The following TCN2 variants were observed in gnomAD, a reference collection of about 807,000 sequenced individuals.
TCN2 encodes the protein transcobalamin-2.
In TCN2, 34 loss-of-function variants were observed where a neutral mutation model predicts 48.6. That is an observed-to-expected ratio of 0.70 (90% CI 0.53 to 0.93). The LOEUF is 0.93. TCN2 is among the 40% of genes least tolerant of loss of function. The probability of loss-of-function intolerance (pLI) is 0.00; values close to 1 mark genes in which losing one functional copy is unlikely to be tolerated. For missense variants in TCN2, 652 were observed against 526.1 expected (o/e 1.24, Z -2.34); for synonymous variants, 283 against 212.5 (o/e 1.33, Z -2.89).
intron 7 of TCN2, among the ~76,000 whole-genome samples, chr22:30,620,090 A>C (rs1014364880): frequency 1.3e-5 from 2 of 152,062 alleles, no homozygotes; most frequent in African/African-American, 4.8e-5. Flanking sequence ...CCAGGAGTTC[A>C]AGGCGGCAGC....
At chr22:30,611,123 G>A (rs1476310127) in intron 2 of TCN2, 60 bp downstream of exon 2, 5 of 1,608,974 alleles carry the variant, frequency 3.1e-6, no homozygotes, top group Non-Finnish European at 4.3e-6. Flanking sequence ...GGGAAACTTG[G>A]GTACTAGTTT....
In TCN2 at chr22:30,609,369, C is replaced by A. The variant is rs141482292; in HGVS notation, c.65-1502C>A. 1.1e-4 allele frequency among the ~76,000 whole-genome samples: 17 copies of A among 152,206 alleles called. No individual in the cohort carries two copies. In the East Asian group the frequency reaches 3.3e-3, roughly 29 times the overall value. Reference sequence around the variant, plus strand: ...CAGGGCTGGGTTGGTAGGGCGAGAGCTCACCCAAGGCTGCTTTTATTACCC... The same window carrying A: ...CAGGGCTGGGTTGGTAGGGCGAGAGATCACCCAAGGCTGCTTTTATTACCC... On this transcript the variant is annotated intron_variant, in intron 1 of 8. Transcript: ENST00000215838.
At chr22:30,620,010 A>C (rs763480583) in intron 7 of TCN2, among the ~76,000 whole-genome samples, 2 of 152,126 alleles carry the variant, frequency 1.3e-5, no homozygotes, top group Admixed American at 6.5e-5. Flanking sequence ...TTTTTTAATT[A>C]GCTGGGCATG....
At chr22:30,623,117 C>G in intron 8 of TCN2, 34 bp downstream of exon 8, 7 of 1,606,590 alleles carry the variant, frequency 4.4e-6, no homozygotes, top group Non-Finnish European at 4.3e-6. Flanking sequence ...GATGTGTCCC[C>G]TACCCCAAGC....
At chr22:30,614,325 C>A in intron 3 of TCN2, 24 bp from the exon 4 acceptor site, 6 of 1,613,372 alleles carry the variant, frequency 3.7e-6, no homozygotes, top group Non-Finnish European at 5.1e-6. Flanking sequence ...AGAGAGGCAA[C>A]CCCTCTGTTT....
In TCN2 at chr22:30,614,380, C is replaced by T. The variant is rs201344377; in HGVS notation, c.459C>T (p.Ser153=). 2.5e-6 allele frequency: 4 copies of T among 1,614,086 alleles called. No homozygotes were observed. The highest frequency in any genetic ancestry group is 1.6e-4 in the Middle Eastern group (1 of 6,084). ...GHDHKGHPHT[S]YYQYGLGILA... ...ATCACAAGGGCCACCCCCACACTAG[C>T]TACTACCAGTATGGCCTGGGCATTC... Residue 153 remains serine, a synonymous_variant, in exon 4 of 9, where the codon AGC becomes AGT. Transcript: ENST00000215838.
chr22:30,619,251 A>C (rs181016302), intron 7 of TCN2, among the ~76,000 whole-genome samples: 4 of 152,124 alleles, frequency 2.6e-5, no homozygotes, highest in South Asian at 2.1e-4. Context: ...ATATTTTTTT[A>C]AAATTTTTTG....
chr22:30,624,695 C>G (rs917359910), intron 8 of TCN2, among the ~76,000 whole-genome samples: 3 of 152,166 alleles, frequency 2.0e-5, no homozygotes, highest in African/African-American at 7.2e-5. Context: ...TAGCCTCTAT[C>G]TCCTTCCCCC....
intron 5 of TCN2, 39 bp downstream of exon 5, chr22:30,615,512 A>G (rs750414229): frequency 1.9e-6 from 3 of 1,608,496 alleles, no homozygotes; most frequent in Non-Finnish European, 2.5e-6. Context: ...ACCCTGGGGA[A>G]CAGTCAGGGG....
At chr22:30,621,248 C>T (rs1012217706) in intron 7 of TCN2, among the ~76,000 whole-genome samples, 2 of 152,134 alleles carry the variant, frequency 1.3e-5, no homozygotes, top group African/African-American at 4.8e-5. Context: ...CCACCTCCGC[C>T]TCCTCAAGTG....
intron 8 of TCN2, among the ~76,000 whole-genome samples, chr22:30,624,586 C>A (rs1399058630): frequency 1.3e-5 from 2 of 152,092 alleles, no homozygotes; most frequent in Non-Finnish European, 2.9e-5. Flanking sequence ...AAAATAGGAG[C>A]TACAGATGGA....
chr22:30,620,877 G>GGTA (rs771509067), intron 7 of TCN2, among the ~76,000 whole-genome samples: 2 of 152,176 alleles, frequency 1.3e-5, no homozygotes, highest in Non-Finnish European at 2.9e-5. Context: ...TGTGGAGAGA[G>GGTA]GTAGCCCTGT....
Position 30,615,647 on chromosome 22 carries a change from G to T in TCN2, c.800G>T (p.Cys267Phe), listed in dbSNP as rs1476885074. Residue 267 changes from cysteine (C) to phenylalanine (F), a missense_variant, in exon 6 of 9, where the codon TGT becomes TTT. Cys to Phe is a radical substitution (Grantham distance 205). Transcript: ENST00000215838. The stretch of plus-strand genomic sequence containing the variant: ...CGTGGGGCAGAACTGGGAACAGCAT[G>T]TCTCAAGGCGAGGGTTGCTTTGCTG... ...PMRGAELGTA[C>F]LKARVALLAS... 1 of 1,614,184 alleles carries T rather than the reference G, an allele frequency of 6.2e-7. No individual in the cohort carries two copies. The highest frequency in any genetic ancestry group is 1.3e-5 in the African/African-American group (1 of 75,054).
rs779098748 is a variant in TCN2, at chr22:30,622,977, A to G, written c.1116A>G (p.Thr372=). 2 of 1,613,914 alleles carry G rather than the reference A, an allele frequency of 1.2e-6. No individual in the cohort carries two copies. The highest frequency in any genetic ancestry group is 2.2e-5 in the South Asian group (2 of 91,074). The part of the protein sequence containing the change: ...AHELGGFTYE[T]QASLSGPYLT... The stretch of plus-strand genomic sequence containing the variant: ...CCTTTCCCTTCTGTAGATATGAAAC[A>G]CAGGCCTCCTTGTCAGGCCCCTACT... The change falls in exon 8 of 9, where the codon ACA becomes ACG. Residue 372 remains threonine (T), a synonymous_variant. Transcript: ENST00000215838.
chr22:30,608,419 C>T (rs2087485017), intron 1 of TCN2, among the ~76,000 whole-genome samples: 1 of 152,044 alleles, frequency 6.6e-6, no homozygotes, highest in South Asian at 2.1e-4. Flanking sequence ...AGAGGTTCTC[C>T]CTCTGTTGCC....
Position 30,607,312 on chromosome 22 carries a change from CT to C in TCN2, c.-19del, listed in dbSNP as rs751604401. 28 of 1,614,148 alleles carry C rather than the reference CT, an allele frequency of 1.7e-5. No individual in the cohort carries two copies. In the South Asian group the frequency reaches 3.1e-4, roughly 18 times the overall value. ...AGTCTTTCCCGATTCTTGCTCACTG[CT>C]CACCCACCTGCTGCTGCCATGAGGC... On this transcript the variant is annotated 5_prime_UTR_variant, in exon 1 of 9. Transcript: ENST00000215838.
At position 30,610,913 on chromosome 22, in the gene TCN2, A is replaced by G. The variant is rs781389750; in HGVS notation, c.107A>G (p.Gln36Arg). Residue 36 changes from glutamine (Q) to arginine (R), a missense_variant, in exon 2 of 9, where the codon CAG becomes CGG. By Grantham distance (43) the Gln-to-Arg change is conservative. Coordinates refer to ENST00000215838, the MANE Select transcript of TCN2 (RefSeq NM_000355.4). ...MDSHLVEKLG[Q>R]HLLPWMDRLS... ...AGCCATCTGGTAGAGAAGTTGGGCC[A>G]GCACCTCTTACCTTGGATGGACCGG... 6.2e-7 allele frequency: 1 copy of G among 1,614,218 alleles called. No individual in the cohort carries two copies. Among genetic ancestry groups the G allele is most frequent in the South Asian group, 1.1e-5 (1 of 91,086 alleles).
At position 30,612,856 on chromosome 22, in the gene TCN2, A is replaced by T. The variant is rs1462963760; in HGVS notation, c.258-17A>T. The T allele has an allele frequency of 6.2e-7, 1 of 1,612,648 alleles. No individual in the cohort carries two copies. The highest frequency in any genetic ancestry group is 8.5e-7 in the Non-Finnish European group (1 of 1,179,944). The stretch of plus-strand genomic sequence containing the variant: ...GGTGGCAGTTTCTCACAAAGGCATT[A>T]ACTGGCCTTGTCCTAGGTCTGCCTT... On this transcript the variant is annotated splice_polypyrimidine_tract_variant and intron_variant, in intron 2 of 8. Coordinates refer to ENST00000215838, the MANE Select transcript of TCN2 (RefSeq NM_000355.4).
At chr22:30,613,109 T>A in intron 3 of TCN2, 67 bp downstream of exon 3, 2 of 1,579,816 alleles carry the variant, frequency 1.3e-6, no homozygotes, top group Non-Finnish European at 8.6e-7. Flanking sequence ...TATTCTCCAA[T>A]GAGAATCAGA....
Sources: gnomAD v4.1 joint callset for allele counts (sites outside exome capture counted in the v4.1 genomes callset) on GRCh38, gnomAD v4.1.1 for gene constraint, MANE v1.5 for transcripts, NCBI Gene and HGNC (gene_info 2026-07-23, HGNC 2026-07-21) for gene names.